The following GAN variants were observed in gnomAD, a reference collection of about 807,000 sequenced individuals.
The protein encoded by GAN is gigaxonin.
GAN carries 48 observed loss-of-function variants against 71.3 expected under a neutral mutation model. The ratio of observed to expected loss-of-function variants is 0.67; its 90% CI spans 0.53 to 0.86. The LOEUF is 0.86. Among genes scored for constraint, GAN ranks in the 40% least tolerant of loss-of-function variants. GAN has a pLI of 0.00. For synonymous variants in GAN, 386 were observed against 276.8 expected (o/e 1.39, Z -3.92); for missense variants, 928 against 770.1 (o/e 1.21, Z -2.43).
In GAN at chr16:81,315,236, C is replaced by T. The variant is rs768710426; in HGVS notation, c.123C>T (p.Ile41=). 1.9e-6 allele frequency: 3 copies of T among 1,582,226 alleles called. No homozygotes were observed. The highest frequency in any genetic ancestry group is 4.8e-5 in the East Asian group (2 of 41,520). The change falls in exon 1 of 11, where the codon ATC becomes ATT. Residue 41 remains isoleucine (I), a synonymous_variant. Transcript: ENST00000648994. Reference sequence around the variant, plus strand: ...ACCTGGTCCTCGACGGGGAGGAGATCCCGGTGCAGAAGAACATCCTGGCGG... The same window carrying T: ...ACCTGGTCCTCGACGGGGAGGAGATTCCGGTGCAGAAGAACATCCTGGCGG... ...DAHLVLDGEE[I]PVQKNILAAA... is the part of the protein sequence containing the mutation.
rs750885419 is a variant in GAN, at chr16:81,364,923, G to T, written c.1237-51G>T. ...CAGACAGTTTAATATCTGTTCACCT[G>T]ACCTGAATGAGAAATGTTGCCTCTC... On this transcript the variant is annotated intron_variant, in intron 7 of 10. Transcript: ENST00000648994. 5 of 1,583,198 alleles carry T rather than the reference G, an allele frequency of 3.2e-6. No homozygotes were observed. The African/African-American group carries it at 4.0e-5, about 13-fold the overall frequency.
chr16:81,333,415 T>C (rs1909653364), intron 1 of GAN, among the ~76,000 whole-genome samples: 1 of 152,192 alleles, frequency 6.6e-6, no homozygotes, highest in African/African-American at 2.4e-5. Context: ...TCCTTCTGTA[T>C]TTATTAGGTG....
rs1904491809 is a variant in GAN, at chr16:81,389,213, A to G, written c.*11617A>G. ...GCTGTTTATTAGCACAACTTGCTTC[A>G]TTAAATAATTCGTGGCTTTTTCTGC... On this transcript the variant is annotated 3_prime_UTR_variant, in exon 11 of 11. Transcript: ENST00000648994. 6.6e-6 allele frequency: 1 copy of G among 152,250 alleles called. No homozygotes were observed. The highest frequency in any genetic ancestry group is 1.5e-5 in the Non-Finnish European group (1 of 68,050). The allele number at this position is 152,250 out of a possible 1,614,324, so 9.4% of individuals were successfully genotyped here. A position where few individuals can be genotyped will look rare whatever the true frequency, so the allele number is the denominator to read the frequency against.
At chr16:81,337,075 T>A (rs996959397) in intron 1 of GAN, among the ~76,000 whole-genome samples, 33 of 152,076 alleles carry the variant, frequency 2.2e-4, no homozygotes, top group African/African-American at 8.0e-4. Flanking sequence ...GCCCTAAAAA[T>A]CCTCTTCCCT....
At chr16:81,316,593 C>G (rs1056922595) in intron 1 of GAN, among the ~76,000 whole-genome samples, 2 of 152,176 alleles carry the variant, frequency 1.3e-5, no homozygotes, top group Non-Finnish European at 2.9e-5. Context: ...GAGGTTTGAG[C>G]AACCCATCCC....
chr16:81,367,711 A>C (rs542395944), intron 9 of GAN, among the ~76,000 whole-genome samples: 1 of 152,346 alleles, frequency 6.6e-6, no homozygotes, highest in African/African-American at 2.4e-5. Flanking sequence ...TTAATCTTCA[A>C]AACAGCACTC....
intron 1 of GAN, among the ~76,000 whole-genome samples, chr16:81,322,056 A>G (rs1237766840): frequency 6.6e-6 from 1 of 152,166 alleles, no homozygotes; most frequent in Non-Finnish European, 1.5e-5. Context: ...TCATCTTCCT[A>G]AGTACTTAGG....
intron 3 of GAN, 98 bp downstream of exon 3, chr16:81,354,853 C>G: frequency 1.4e-6 from 1 of 733,586 alleles, no homozygotes; most frequent in Non-Finnish European, 2.4e-6. Context: ...GAAAGACTTA[C>G]GATGCAGCAA....
intron 1 of GAN, among the ~76,000 whole-genome samples, chr16:81,347,769 C>T (rs1910168865): frequency 6.6e-6 from 1 of 152,142 alleles, no homozygotes; most frequent in Non-Finnish European, 1.5e-5. Context: ...GATTCTTGAT[C>T]CTTTCCATAT....
chr16:81,361,853 C>G (rs1258536509), intron 5 of GAN, among the ~76,000 whole-genome samples: 1 of 152,170 alleles, frequency 6.6e-6, no homozygotes, highest in South Asian at 2.1e-4. Context: ...TACCACAATG[C>G]CCGGCTAATT....
rs1904290938 is a variant in GAN, at chr16:81,378,788, C to G, written c.*1192C>G. On this transcript the variant is annotated 3_prime_UTR_variant, in exon 11 of 11. Transcript: ENST00000648994. ...TAGTAGAGCAAATTAATCTTTTCCT[C>G]CTTCCCTCCTTTCCTATCTCTCATT... 1 of 152,582 alleles carries G rather than the reference C, an allele frequency of 6.6e-6. No individual in the cohort carries two copies. Among genetic ancestry groups the G allele is most frequent in the Non-Finnish European group, 1.5e-5 (1 of 68,022 alleles). The allele number at this position is 152,582 out of a possible 1,614,324, so 9.5% of individuals were successfully genotyped here.
chr16:81,369,744 A>C (rs570098523), intron 9 of GAN, among the ~76,000 whole-genome samples: 221 of 152,254 alleles, frequency 1.5e-3, no homozygotes, highest in African/African-American at 5.0e-3. Flanking sequence ...GGCGCCCGCC[A>C]CCGCGCCCAG....
chr16:81,315,338 G>T (rs1908995633), intron 1 of GAN, 58 bp downstream of exon 1: 2 of 1,267,170 alleles, frequency 1.6e-6, no homozygotes, highest in Non-Finnish European at 2.0e-6. Flanking sequence ...CGGAGGCGGG[G>T]CGGCCGGGCC....
In GAN at chr16:81,354,675, G is replaced by A. The variant is rs148122732; in HGVS notation, c.553G>A (p.Glu185Lys). The A allele has an allele frequency of 6.2e-7, 1 of 1,613,618 alleles. No homozygotes were observed. The highest frequency in any genetic ancestry group is 8.5e-7 in the Non-Finnish European group (1 of 1,179,602). The stretch of plus-strand genomic sequence containing the variant: ...AAAGCTTAAAGAAGTGATTTCTCTT[G>A]AGAAGTTAAACGTTGGCAATGAAAG... ...PQKLKEVISL[E>K]KLNVGNERYV... The change falls in exon 3 of 11, where the codon GAG becomes AAG. Residue 185 changes from glutamate to lysine, a missense_variant. Glu to Lys is a moderately conservative substitution (Grantham distance 56). Coordinates refer to ENST00000648994, the MANE Select transcript of GAN (RefSeq NM_022041.4).
At chr16:81,333,822 G>T (rs149501383) in intron 1 of GAN, among the ~76,000 whole-genome samples, 25 of 152,236 alleles carry the variant, frequency 1.6e-4, no homozygotes, top group Admixed American at 1.3e-4. Context: ...TTGGTTACAC[G>T]TTGTAGCTGT....
intron 1 of GAN, among the ~76,000 whole-genome samples, chr16:81,338,204 T>G (rs977583006): frequency 2.0e-5 from 3 of 152,130 alleles, no homozygotes; most frequent in African/African-American, 7.2e-5. Flanking sequence ...TTTTTTAGAG[T>G]GTTATAAAAT....
rs772181617 is a variant in GAN, at chr16:81,362,496, C to T, written c.974-3C>T. On this transcript the variant is annotated splice_region_variant and splice_polypyrimidine_tract_variant and intron_variant, in intron 5 of 10. Coordinates refer to ENST00000648994, the MANE Select transcript of GAN (RefSeq NM_022041.4). Reference sequence around the variant, plus strand: ...ATATTTGTGTTTCCTTTGATCTTTGCAGAAGGATTTTTGTTTGTATTCGGG... The same window carrying T: ...ATATTTGTGTTTCCTTTGATCTTTGTAGAAGGATTTTTGTTTGTATTCGGG... The T allele has an allele frequency of 2.0e-6, 3 of 1,518,300 alleles. 1 individual carries two copies. Among genetic ancestry groups the T allele is most frequent in the South Asian group, 2.2e-5 (2 of 89,136 alleles). 94.1% of individuals were successfully genotyped at this position (1,518,300 alleles called of 1,614,324 possible).
At chr16:81,349,499 C>G (rs1223888107) in intron 1 of GAN, among the ~76,000 whole-genome samples, 1 of 151,978 alleles carries the variant, frequency 6.6e-6, no homozygotes, top group Non-Finnish European at 1.5e-5. Context: ...CAAAAATTAG[C>G]TGGGTGTGGT....
intron 1 of GAN, among the ~76,000 whole-genome samples, chr16:81,325,090 C>G (rs1182008794): frequency 6.6e-6 from 1 of 152,196 alleles, no homozygotes; most frequent in East Asian, 1.9e-4. Flanking sequence ...ATGCTGTTGG[C>G]TTCTTCATCG....
Sources: allele counts gnomAD v4.1 joint callset (sites outside exome capture counted in the v4.1 genomes callset), GRCh38; gene constraint gnomAD v4.1.1; transcripts MANE v1.5; gene names NCBI Gene and HGNC (gene_info 2026-07-23, HGNC 2026-07-21).